Variants in NLRP5 observed in about 807,000 individuals in gnomAD.
NLRP5 encodes NLR family pyrin domain containing 5, also known as NACHT, LRR and PYD domains-containing protein 5.
A neutral mutation model predicts 113.1 loss-of-function variants in NLRP5; 93 were observed. That is an observed-to-expected ratio of 0.82 (90% CI 0.70 to 0.98). NLRP5 has a LOEUF of 0.98. Among genes scored for constraint, NLRP5 ranks in the 50% least tolerant of loss-of-function variants. The pLI, the probability that NLRP5 is intolerant of heterozygous loss-of-function variation, is 0.00. For synonymous variants in NLRP5, 751 were observed against 600.7 expected (o/e 1.25, Z -3.66); for missense variants, 1,808 against 1,514.3 (o/e 1.19, Z -3.22).
At chr19:56,046,371 G>A (rs1983722301) in intron 11 of NLRP5, among the ~76,000 whole-genome samples, 1 of 144,596 alleles carries the variant, frequency 6.9e-6, no homozygotes, top group Non-Finnish European at 1.5e-5. Context: ...TAGCATCTAT[G>A]TTCATCAAGG....
At chr19:56,032,206 A>C (rs1202099176) in intron 7 of NLRP5, among the ~76,000 whole-genome samples, 1 of 150,974 alleles carries the variant, frequency 6.6e-6, no homozygotes, top group African/African-American at 2.4e-5. Flanking sequence ...TTAGCTGTGC[A>C]TGATGGCATG....
intron 3 of NLRP5, among the ~76,000 whole-genome samples, chr19:56,011,569 G>A (rs770957949): frequency 3.9e-5 from 6 of 151,900 alleles, no homozygotes; most frequent in Non-Finnish European, 7.4e-5. Context: ...TACGTATGAC[G>A]ACTACAAAGC....
intron 9 of NLRP5, among the ~76,000 whole-genome samples, chr19:56,035,487 C>G (rs1983277564): frequency 6.6e-6 from 1 of 152,108 alleles, no homozygotes; most frequent in Admixed American, 6.6e-5. Flanking sequence ...CTGTCTGCAC[C>G]ACAAGTGCAG....
intron 3 of NLRP5, among the ~76,000 whole-genome samples, chr19:56,011,922 C>T (rs1252581470): frequency 1.3e-5 from 2 of 151,952 alleles, no homozygotes; most frequent in Non-Finnish European, 2.9e-5. Flanking sequence ...GAATTCCTGA[C>T]CTCAGGTGAT....
Position 56,037,913 on chromosome 19 carries a change from CAG to C in NLRP5, c.2616-109_2616-108del, listed in dbSNP as rs369152010. 1.7e-3 allele frequency: 1,836 copies of C among 1,068,194 alleles called. 2 individuals are homozygous for C. Among genetic ancestry groups the C allele is most frequent in the Non-Finnish European group, 2.1e-3 (1,540 of 735,476 alleles). The allele number at this position is 1,068,194 out of a possible 1,614,324, so 66.2% of individuals were successfully genotyped here. On this transcript the variant is annotated intron_variant, in intron 9 of 14. Coordinates refer to ENST00000390649, the MANE Select transcript of NLRP5 (RefSeq NM_153447.4). ...TCTCAGGCCCGGAGGCAGGAGCAGA[CAG>C]AGTTCGAGGACCAGGAAAACGGCCA... is the stretch of plus-strand genomic sequence containing the variant.
At chr19:55,998,710 G>GTGTGTGTATATATATATATA (rs764250371), upstream of NLRP5, among the ~76,000 whole-genome samples, 9,569 of 65,476 alleles carry the variant, frequency 0.15, 758 homozygotes, top group Non-Finnish European at 0.18. Context: ...ATATGTGTGT[G>GTGTGTGTATATATATATATA]TGTGTATATA....
intron 10 of NLRP5, among the ~76,000 whole-genome samples, chr19:56,038,547 C>G (rs1035424676): frequency 6.6e-6 from 1 of 152,128 alleles, no homozygotes; most frequent in Non-Finnish European, 1.5e-5. Context: ...GAGAGGTATA[C>G]CCACTCAGTC....
chr19:56,006,177 A>C (rs1290823062), intron 2 of NLRP5, among the ~76,000 whole-genome samples: 1 of 152,218 alleles, frequency 6.6e-6, no homozygotes, highest in East Asian at 1.9e-4. Flanking sequence ...TCACAAGGAC[A>C]GAAAACCAAA....
At chr19:56,058,104 C>T in intron 13 of NLRP5, 136 bp from the exon 14 acceptor site, 2 of 667,898 alleles carry the variant, frequency 3.0e-6, no homozygotes, top group East Asian at 2.8e-5. Context: ...GCAGAGCCCA[C>T]CAGTTTCATT....
intron 13 of NLRP5, among the ~76,000 whole-genome samples, chr19:56,055,697 C>A (rs1984116763): frequency 1.3e-5 from 2 of 151,722 alleles, no homozygotes; most frequent in Non-Finnish European, 2.9e-5. Flanking sequence ...AGGTGCCCGC[C>A]ACCACGCCCG....
intron 7 of NLRP5, among the ~76,000 whole-genome samples, chr19:56,030,714 C>CTTTTTTTTTTTTTTTTTTGTT (rs1983069934): frequency 1.4e-5 from 1 of 71,350 alleles, no homozygotes; most frequent in African/African-American, 7.2e-5. Context: ...CTTTCTTCTT[C>CTTTTTTTTTTTTTTTTTTGTT]TTTTTTTTTT....
chr19:56,016,970 A>T (rs535017427), intron 4 of NLRP5, among the ~76,000 whole-genome samples: 3 of 152,060 alleles, frequency 2.0e-5, no homozygotes, highest in Admixed American at 2.0e-4. Flanking sequence ...CACCATGCCC[A>T]GCTAATTTTT....
chr19:56,020,942 C>T (rs1473375230), intron 6 of NLRP5, among the ~76,000 whole-genome samples: 2 of 149,770 alleles, frequency 1.3e-5, no homozygotes, highest in Non-Finnish European at 3.0e-5. Flanking sequence ...GGCGGTATCT[C>T]GGCTCAGTGC....
At chr19:55,993,841 A>T in the NLRP5 span, among the ~76,000 whole-genome samples, 1 of 151,166 alleles carries the variant, frequency 6.6e-6, no homozygotes, top group African/African-American at 2.4e-5. Flanking sequence ...TTGAAGGCTG[A>T]AACATGTTCC....
chr19:55,999,723 A>G, upstream of NLRP5: 3 of 1,610,398 alleles, frequency 1.9e-6, no homozygotes, highest in Non-Finnish European at 2.5e-6. Flanking sequence ...TGGCGATGTT[A>G]TCATGAAGGT....
At chr19:56,061,002 C>A (rs1392392813) in intron 14 of NLRP5, among the ~76,000 whole-genome samples, 1 of 147,754 alleles carries the variant, frequency 6.8e-6, no homozygotes, top group Non-Finnish European at 1.5e-5. Flanking sequence ...TCTAGAAAGT[C>A]ACTGGGCATG....
chr19:55,988,598 C>T, the NLRP5 span: 1 of 149,558 alleles, frequency 6.7e-6, no homozygotes, highest in Non-Finnish European at 1.5e-5. Flanking sequence ...GCTCAATCAC[C>T]TCATCTTAAA....
intron 3 of NLRP5, among the ~76,000 whole-genome samples, chr19:56,013,596 G>GGTTTTTTT (rs1555765383): frequency 0.043 from 2,565 of 59,234 alleles, 219 homozygotes; most frequent in Admixed American, 0.067. Flanking sequence ...GGACATTTGG[G>GGTTTTTTT]TTTTTTTTTT....
upstream of NLRP5, among the ~76,000 whole-genome samples, chr19:55,998,694 A>ATATGTGTGTGTGTGTG (rs1981445562): frequency 3.1e-4 from 18 of 58,048 alleles, 1 homozygote; most frequent in Non-Finnish European, 5.0e-4. Flanking sequence ...ATATATATAT[A>ATATGTGTGTGTGTGTG]TATATATATG....
Sources: gnomAD v4.1 joint callset for allele counts (sites outside exome capture counted in the v4.1 genomes callset) on GRCh38, gnomAD v4.1.1 for gene constraint, MANE v1.5 for transcripts, NCBI Gene and HGNC (gene_info 2026-07-23, HGNC 2026-07-21) for gene names.